The following MRC1 variants were observed in gnomAD, a reference collection of about 807,000 sequenced individuals.
MRC1 encodes macrophage mannose receptor 1.
A neutral mutation model predicts 102.9 loss-of-function variants in MRC1; 62 were observed. The observed-to-expected ratio is 0.60, with a 90% CI of 0.49 to 0.74. MRC1 has a LOEUF of 0.74. MRC1 is among the 30% of genes least tolerant of loss of function. MRC1 has a pLI of 0.00. For synonymous variants in MRC1, 457 were observed against 298.4 expected (o/e 1.53, Z -5.48); for missense variants, 1,237 against 862.8 (o/e 1.43, Z -5.43).
chr10:17,844,166 G>A (rs1838791130), intron 5 of MRC1, among the ~76,000 whole-genome samples: 1 of 152,038 alleles, frequency 6.6e-6, no homozygotes. Flanking sequence ...TTAGTTCTGG[G>A]AGCACAGCAT....
chr10:17,876,237 A>G (rs2130684171), intron 17 of MRC1, among the ~76,000 whole-genome samples: 1 of 151,042 alleles, frequency 6.6e-6, no homozygotes, highest in South Asian at 2.1e-4. Flanking sequence ...GAATTGCAGA[A>G]CTCAGAATCT....
intron 1 of MRC1, among the ~76,000 whole-genome samples, chr10:17,812,306 A>C (rs888262817): frequency 0.019 from 2,914 of 152,236 alleles, 54 homozygotes; most frequent in African/African-American, 0.046. Flanking sequence ...TGGTAGATGC[A>C]CCATGAGAGC....
At chr10:17,813,158 A>C (rs1397626560) in intron 1 of MRC1, among the ~76,000 whole-genome samples, 1 of 152,144 alleles carries the variant, frequency 6.6e-6, no homozygotes, top group Non-Finnish European at 1.5e-5. Flanking sequence ...TAGCAGGTAG[A>C]TGTAGATCCA....
At chr10:17,856,395 G>A in intron 9 of MRC1, 43 bp downstream of exon 9, 1 of 817,250 alleles carries the variant, frequency 1.2e-6, no homozygotes, top group East Asian at 2.6e-5. Flanking sequence ...GAGCACGTAT[G>A]AGTTGATACC....
intron 13 of MRC1, 38 bp downstream of exon 13, chr10:17,870,411 C>G (rs1044587875): frequency 2.6e-6 from 2 of 779,540 alleles, no homozygotes; most frequent in Non-Finnish European, 4.8e-6. Context: ...TTTTTGTTAT[C>G]TAGTTGGTGC....
At chr10:17,869,523 T>G (rs1023086889) in intron 12 of MRC1, among the ~76,000 whole-genome samples, 1 of 152,192 alleles carries the variant, frequency 6.6e-6, no homozygotes, top group South Asian at 2.1e-4. Flanking sequence ...ATTACCTCCT[T>G]TCTATTTGCA....
At chr10:17,841,034 A>C (rs909488783) in intron 5 of MRC1, among the ~76,000 whole-genome samples, 1 of 152,204 alleles carries the variant, frequency 6.6e-6, no homozygotes, top group South Asian at 2.1e-4. Context: ...TTCTCACACA[A>C]AACAATAAAG....
rs990616572 is a variant in MRC1, at chr10:17,837,672, G to A, written c.803-3021G>A. 4.0e-5 allele frequency among the ~76,000 whole-genome samples: 6 copies of A among 151,274 alleles called. 1 individual carries two copies. Among genetic ancestry groups the A allele is most frequent in the Admixed American group, 2.0e-4 (3 of 15,186 alleles). On this transcript the variant is annotated intron_variant, in intron 4 of 29. Coordinates refer to ENST00000569591, the MANE Select transcript of MRC1 (RefSeq NM_002438.4). Reference sequence around the variant, plus strand: ...GAGACAAAGTCTCACTCTGTCGCCCGGGCTGGAGTGCAGTGGCACTAGGAC... The same window carrying A: ...GAGACAAAGTCTCACTCTGTCGCCCAGGCTGGAGTGCAGTGGCACTAGGAC...
In MRC1 at chr10:17,861,484, T is replaced by C; in HGVS notation, c.1616T>C (p.Leu539Ser). 1 of 871,544 alleles carries C rather than the reference T, an allele frequency of 1.1e-6. No individual in the cohort carries two copies. Among genetic ancestry groups the C allele is most frequent in the Non-Finnish European group, 2.0e-6 (1 of 500,622 alleles). The allele number at this position is 871,544 out of a possible 1,614,324, so 54.0% of individuals were successfully genotyped here. Residue 539 changes from leucine (L) to serine (S), a missense_variant, in exon 10 of 30, where the codon TTA (leucine) becomes TCA (serine). Coordinates refer to ENST00000569591, the MANE Select transcript of MRC1 (RefSeq NM_002438.4). ...ACCTGTAATAATGAGAATGCTTATT[T>C]AACAACTATTGAAGACAGGTATGTA... ...NQTCNNENAY[L>S]TTIEDRYEQA...
intron 3 of MRC1, among the ~76,000 whole-genome samples, chr10:17,831,041 A>G (rs1202084128): frequency 4.3e-5 from 6 of 140,706 alleles, no homozygotes; most frequent in Non-Finnish European, 9.0e-5. Flanking sequence ...GGCGCGTGCC[A>G]CCATACCTGG....
At chr10:17,867,353 C>G (rs1054849809) in intron 12 of MRC1, among the ~76,000 whole-genome samples, 4 of 114,388 alleles carry the variant, frequency 3.5e-5, no homozygotes, top group African/African-American at 7.0e-5. Context: ...TCCTCTTCTT[C>G]TTCTCCTTCT....
In MRC1 at chr10:17,880,538, C is replaced by T; in HGVS notation, c.2733C>T (p.Asp911=). ...TCTCTTTGCCAGGGTTTTGGAATGA[C>T]ATTAACTGTGGCTATCCAAACGCCT... ...TMYSNSGFWN[D]INCGYPNAFI... is the part of the protein sequence containing the mutation. Residue 911 remains aspartate, a synonymous_variant, in exon 20 of 30, where the codon GAC becomes GAT. Transcript: ENST00000569591. 6.4e-6 allele frequency: 5 copies of T among 780,776 alleles called. No individual in the cohort carries two copies. Among genetic ancestry groups the T allele is most frequent in the Non-Finnish European group, 1.2e-5 (5 of 417,940 alleles). The allele number at this position is 780,776 out of a possible 1,614,324, so 48.4% of individuals were successfully genotyped here.
intron 7 of MRC1, among the ~76,000 whole-genome samples, chr10:17,851,179 ACCTG>A (rs1838910588): frequency 6.6e-6 from 1 of 152,186 alleles, no homozygotes; most frequent in Admixed American, 6.5e-5. Context: ...AAAGAAAAAA[ACCTG>A]ATATTTTTAT....
At chr10:17,833,603 T>C in intron 3 of MRC1, 72 bp from the exon 4 acceptor site, 1 of 777,058 alleles carries the variant, frequency 1.3e-6, no homozygotes, top group Non-Finnish European at 2.4e-6. Context: ...TCCTAGGTGG[T>C]TTAAATAATA....
At chr10:17,848,313 A>G (rs1442665072) in intron 6 of MRC1, among the ~76,000 whole-genome samples, 1 of 152,224 alleles carries the variant, frequency 6.6e-6, no homozygotes, top group Non-Finnish European at 1.5e-5. Flanking sequence ...CTAGAATAGT[A>G]ATAACAAGCA....
chr10:17,837,288 C>T (rs1025982381), intron 4 of MRC1, among the ~76,000 whole-genome samples: 3 of 152,270 alleles, frequency 2.0e-5, no homozygotes, highest in South Asian at 2.1e-4. Context: ...GCATCTCTAA[C>T]GAGATTTGTA....
intron 26 of MRC1, among the ~76,000 whole-genome samples, chr10:17,903,585 A>G (rs1434060122): frequency 6.6e-6 from 1 of 151,320 alleles, no homozygotes. Context: ...TAGTAGAGAC[A>G]GAGTTTCACA....
chr10:17,836,183 A>G (rs1189214727), intron 4 of MRC1, among the ~76,000 whole-genome samples: 2 of 152,182 alleles, frequency 1.3e-5, no homozygotes, highest in Non-Finnish European at 2.9e-5. Context: ...ACCTTTTTCC[A>G]GCTATTTTCA....
At chr10:17,884,717 T>G (rs1026180653) in intron 21 of MRC1, among the ~76,000 whole-genome samples, 11 of 152,208 alleles carry the variant, frequency 7.2e-5, no homozygotes, top group Non-Finnish European at 2.9e-5. Flanking sequence ...TACCTTCACC[T>G]AGTCCCACCC....
Sources: gnomAD v4.1 joint callset for allele counts (sites outside exome capture counted in the v4.1 genomes callset) on GRCh38, gnomAD v4.1.1 for gene constraint, MANE v1.5 for transcripts, NCBI Gene and HGNC (gene_info 2026-07-23, HGNC 2026-07-21) for gene names.